Variants in OPCML observed in about 807,000 individuals in gnomAD.
OPCML encodes opioid binding protein/cell adhesion molecule like.
A neutral mutation model predicts 37.8 loss-of-function variants in OPCML; 13 were observed. The observed-to-expected ratio is 0.34, with a 90% CI of 0.22 to 0.55. The LOEUF is 0.55. OPCML is among the 20% of genes least tolerant of loss of function. The pLI is 0.91. For synonymous variants in OPCML, 176 were observed against 168.8 expected (o/e 1.04, Z -0.33); for missense variants, 341 against 435.6 (o/e 0.78, Z 1.93).
chr11:133,416,260 G>C (rs1945762791), intron 1 of OPCML, among the ~76,000 whole-genome samples: 1 of 152,104 alleles, frequency 6.6e-6, no homozygotes. Context: ...CAGCTAGGGA[G>C]AGGTCTCTAA....
At chr11:133,004,336 G>A in intron 1 of OPCML, 1 of 985,408 alleles carries the variant, frequency 1.0e-6, no homozygotes, top group Non-Finnish European at 1.2e-6. Context: ...TGGGTCCTTT[G>A]GATTCCTGTA....
intron 1 of OPCML, among the ~76,000 whole-genome samples, chr11:133,048,781 C>G (rs1053710307): frequency 7.9e-5 from 12 of 152,196 alleles, no homozygotes; most frequent in African/African-American, 2.9e-4. Flanking sequence ...GGAACTCTGT[C>G]TTCTCCTGAA....
At chr11:132,461,594 T>C (rs1186154274) in intron 4 of OPCML, among the ~76,000 whole-genome samples, 3 of 152,210 alleles carry the variant, frequency 2.0e-5, no homozygotes, top group Non-Finnish European at 4.4e-5. Flanking sequence ...ATCTGCAAAT[T>C]AATTAGACCC....
intron 3 of OPCML, among the ~76,000 whole-genome samples, chr11:132,544,532 T>C (rs1027013428): frequency 6.6e-6 from 1 of 152,164 alleles, no homozygotes; most frequent in Non-Finnish European, 1.5e-5. Flanking sequence ...CTGCCAAAAA[T>C]GTTTAAAACA....
chr11:133,140,943 AGAC>A lies in OPCML; in HGVS notation c.62-197936_62-197934del, dbSNP rs201331818. On this transcript the variant is annotated intron_variant, in intron 1 of 7. Transcript: ENST00000524381. Reference sequence around the variant, plus strand: ...AAGACGACGACGACGAAGAAGAAGAAGACGACGAAGAAGAAGAAGAAGAAGAAG... The same window carrying A: ...AAGACGACGACGACGAAGAAGAAGAAGACGAAGAAGAAGAAGAAGAAGAAG... Among the ~76,000 whole-genome samples, 18 of 13,672 alleles carry A rather than the reference AGAC, an allele frequency of 1.3e-3. 2 individuals carry two copies. The highest frequency in any genetic ancestry group is 2.3e-3 in the African/African-American group (14 of 6,196). 9.0% of individuals were successfully genotyped at this position (13,672 alleles called of 152,430 possible).
At chr11:132,682,900 G>T (rs967828381) in intron 2 of OPCML, among the ~76,000 whole-genome samples, 9 of 152,178 alleles carry the variant, frequency 5.9e-5, no homozygotes, top group African/African-American at 1.9e-4. Flanking sequence ...GTCACCAGCA[G>T]GTGCCTTCTT....
intron 1 of OPCML, among the ~76,000 whole-genome samples, chr11:133,166,273 G>A (rs969765692): frequency 1.3e-5 from 2 of 152,238 alleles, no homozygotes; most frequent in Admixed American, 1.3e-4. Context: ...TAATTCCTAG[G>A]TGCTAGGAGC....
chr11:132,975,018 T>C (rs1220632514), intron 1 of OPCML, among the ~76,000 whole-genome samples: 1 of 151,904 alleles, frequency 6.6e-6, no homozygotes, highest in African/African-American at 2.4e-5. Flanking sequence ...GCTCTGTACA[T>C]ATATATCCAC....
chr11:132,532,975 C>A (rs1411265063), intron 3 of OPCML, among the ~76,000 whole-genome samples: 1 of 152,162 alleles, frequency 6.6e-6, no homozygotes, highest in African/African-American at 2.4e-5. Flanking sequence ...CGTATTTTGG[C>A]AGATCTTTGT....
At chr11:132,667,298 G>T (rs1942265729) in intron 2 of OPCML, among the ~76,000 whole-genome samples, 1 of 152,176 alleles carries the variant, frequency 6.6e-6, no homozygotes, top group Non-Finnish European at 1.5e-5. Flanking sequence ...ACTTTTGTTA[G>T]CCTGCATATC....
intron 4 of OPCML, among the ~76,000 whole-genome samples, chr11:132,526,379 C>A (rs2096308528): frequency 6.6e-6 from 1 of 152,098 alleles, no homozygotes; most frequent in African/African-American, 2.4e-5. Context: ...GAACCCATGT[C>A]TTGGGGAACA....
chr11:133,345,155 T>A (rs531266897), intron 1 of OPCML, among the ~76,000 whole-genome samples: 1 of 152,284 alleles, frequency 6.6e-6, no homozygotes, highest in African/African-American at 2.4e-5. Flanking sequence ...TATCAAGCAG[T>A]GCTGCCATCG....
chr11:132,530,773 G>C (rs528189522), intron 3 of OPCML, among the ~76,000 whole-genome samples: 1 of 152,232 alleles, frequency 6.6e-6, no homozygotes, highest in East Asian at 1.9e-4. Flanking sequence ...CTCAGGCCCT[G>C]TTTCCTCTAA....
intron 1 of OPCML, among the ~76,000 whole-genome samples, chr11:133,131,724 T>C (rs191202572): frequency 6.6e-5 from 10 of 152,354 alleles, no homozygotes; most frequent in African/African-American, 2.2e-4. Context: ...AATGTTTGCA[T>C]ATATTTAAGA....
chr11:133,524,028 C>G (rs1348062958), intron 1 of OPCML, among the ~76,000 whole-genome samples: 2 of 152,220 alleles, frequency 1.3e-5, no homozygotes, highest in African/African-American at 4.8e-5. Context: ...CTGTCTCTCC[C>G]TCTGGACTGT....
chr11:133,324,343 GA>G (rs984016625), intron 1 of OPCML, among the ~76,000 whole-genome samples: 6 of 151,646 alleles, frequency 4.0e-5, no homozygotes, highest in South Asian at 2.1e-4. Context: ...GAGAGAAAGA[GA>G]AAAAAAAATT....
At chr11:132,851,243 C>T (rs1941797265) in intron 2 of OPCML, among the ~76,000 whole-genome samples, 1 of 152,186 alleles carries the variant, frequency 6.6e-6, no homozygotes, top group Non-Finnish European at 1.5e-5. Context: ...TTGTTAGACT[C>T]ACTGCTAGAT....
intron 1 of OPCML, among the ~76,000 whole-genome samples, chr11:133,354,305 CGTGTTG>C (rs1944227757): frequency 1.0e-4 from 1 of 9,546 alleles, no homozygotes; most frequent in East Asian, 3.5e-3. Context: ...GTGGTGGTGA[CGTGTTG>C]GTAGTGGTGG....
At chr11:132,633,213 T>C (rs1940263728) in intron 3 of OPCML, among the ~76,000 whole-genome samples, 1 of 151,660 alleles carries the variant, frequency 6.6e-6, no homozygotes, top group Non-Finnish European at 1.5e-5. Context: ...CTCTCTCTCT[T>C]TTTTTCTGAG....
Sources: gnomAD v4.1 joint callset for allele counts (sites outside exome capture counted in the v4.1 genomes callset) on GRCh38, gnomAD v4.1.1 for gene constraint, MANE v1.5 for transcripts, NCBI Gene and HGNC (gene_info 2026-07-23, HGNC 2026-07-21) for gene names.